CELSR1: variants seen among roughly 807,000 people sequenced by gnomAD.
CELSR1 encodes adhesion G protein-coupled receptor C1.
A neutral mutation model predicts 249.1 loss-of-function variants in CELSR1; 110 were observed. That is an observed-to-expected ratio of 0.44 (90% CI 0.38 to 0.52). The LOEUF (loss-of-function observed/expected upper bound fraction) is 0.52, where lower values mean the gene tolerates loss of function less well. CELSR1 is among the 20% of genes least tolerant of loss of function. The pLI, the probability that CELSR1 is intolerant of heterozygous loss-of-function variation, is 0.00. For missense variants in CELSR1, 4,109 were observed against 4,296.4 expected, an observed-to-expected ratio of 0.96 and a Z score of 1.22; for synonymous variants, 2,113 against 1,900.0, an observed-to-expected ratio of 1.11 and a Z score of -2.92.
chr22:46,405,611 T>C (rs1163831022), intron 9 of CELSR1, among the ~76,000 whole-genome samples: 1 of 152,064 alleles, frequency 6.6e-6, no homozygotes, highest in African/African-American at 2.4e-5. Flanking sequence ...GGGAGGTAAC[T>C]GAGAGTGTGT....
rs73453027 is a variant in CELSR1, at chr22:46,526,818, G to A, written c.3544+6809C>T. ...ACTTCTGTGTCCATAACCTGAGCTGGTCTCCCCAGTCTGGACCTGCACACA... is the reference window on the plus strand; with the variant it reads ...ACTTCTGTGTCCATAACCTGAGCTGATCTCCCCAGTCTGGACCTGCACACA... On this transcript the variant is annotated intron_variant, in intron 1 of 34. Transcript: ENST00000674500. The surrounding 1 kb of genome is among the most constrained non-coding windows in gnomAD (Gnocchi z 4.7). 0.019 allele frequency among the ~76,000 whole-genome samples: 2,875 copies of A among 152,182 alleles called. 95 individuals carry two copies. Among genetic ancestry groups the A allele is most frequent in the African/African-American group, 0.066 (2,729 of 41,504 alleles).
At chr22:46,499,423 T>C (rs1306384299) in intron 1 of CELSR1, among the ~76,000 whole-genome samples, 1 of 152,122 alleles carries the variant, frequency 6.6e-6, no homozygotes, top group East Asian at 1.9e-4. Flanking sequence ...TCTTAGACAA[T>C]GATAACATCA....
chr22:46,389,895 C>T (rs1301865097), intron 17 of CELSR1, among the ~76,000 whole-genome samples: 4 of 152,096 alleles, frequency 2.6e-5, no homozygotes, highest in African/African-American at 9.7e-5. Flanking sequence ...GAGGTTGCAG[C>T]AAGCTGAGAC....
At chr22:46,478,793 C>A (rs1406040115) in intron 1 of CELSR1, among the ~76,000 whole-genome samples, 8 of 151,422 alleles carry the variant, frequency 5.3e-5, no homozygotes, top group African/African-American at 1.9e-4. Flanking sequence ...ACCTTGTGAT[C>A]TGTCCGCCTC....
At position 46,365,358 on chromosome 22, in the gene CELSR1, G is replaced by T. The variant is rs761354421; in HGVS notation, c.8427C>A (p.Ser2809Arg). 7 of 1,612,724 alleles carry T rather than the reference G, an allele frequency of 4.3e-6. No individual in the cohort carries two copies. The highest frequency in any genetic ancestry group is 5.9e-6 in the Non-Finnish European group (7 of 1,179,942). ...TGCTCTGCTCATCCAGGGACAGCTC[G>T]CTATCTGAGTCGGAATCGTGGCCTG... ...DPPGHDSDSD[S>R]ELSLDEQSSS... The change falls in exon 32 of 35, where the codon AGC becomes AGA. Residue 2809 changes from serine (S) to arginine (R), a missense_variant. Physicochemically the swap from Ser to Arg is moderately radical, Grantham distance 110. Transcript: ENST00000674500.
Position 46,454,378 on chromosome 22 carries a change from T to C in CELSR1, c.4183+9329A>G, listed in dbSNP as rs1188522277. ...AGGGGTGAGCGAGCGTGCCCAGCCCTGCTGTCACGGAGCCCACACTCTCTC... is the reference window on the plus strand; with the variant it reads ...AGGGGTGAGCGAGCGTGCCCAGCCCCGCTGTCACGGAGCCCACACTCTCTC... On this transcript the variant is annotated intron_variant, in intron 2 of 34. Coordinates refer to ENST00000674500, the MANE Select transcript of CELSR1 (RefSeq NM_001378328.1). The surrounding 1 kb of genome is among the most constrained non-coding windows in gnomAD (Gnocchi z 5.1). Among the ~76,000 whole-genome samples, 1 of 152,132 alleles carries C rather than the reference T, an allele frequency of 6.6e-6. No individual in the cohort carries two copies. The highest frequency in any genetic ancestry group is 1.5e-5 in the Non-Finnish European group (1 of 68,014).
chr22:46,366,286 G>A, intron 30 of CELSR1, 100 bp downstream of exon 30: 1 of 857,476 alleles, frequency 1.2e-6, no homozygotes, highest in South Asian at 1.7e-5. Context: ...GGGGGTGGAA[G>A]GTGATGTTGG....
At chr22:46,516,950 G>T (rs1458678168) in intron 1 of CELSR1, among the ~76,000 whole-genome samples, 1 of 152,192 alleles carries the variant, frequency 6.6e-6, no homozygotes, top group Non-Finnish European at 1.5e-5. Flanking sequence ...CAGTGTCACG[G>T]CTGGCAAAGC....
In CELSR1 at chr22:46,362,939, C is replaced by T. The variant is rs897369903; in HGVS notation, c.*284G>A. On this transcript the variant is annotated 3_prime_UTR_variant, in exon 35 of 35. Coordinates refer to ENST00000674500, the MANE Select transcript of CELSR1 (RefSeq NM_001378328.1). ...CTTTGACTGCAGTCTTAGGACTCAG[C>T]GGTGCTGGCCCAGTGGTCCACGCCT... 4.0e-5 allele frequency: 23 copies of T among 574,308 alleles called. No individual in the cohort carries two copies. Among genetic ancestry groups the T allele is most frequent in the African/African-American group, 1.9e-4 (10 of 53,110 alleles). The allele number at this position is 574,308 out of a possible 1,614,324, so 35.6% of individuals were successfully genotyped here. A position where few individuals can be genotyped will look rare whatever the true frequency, so the allele number is the denominator to read the frequency against.
rs1475161832 is a variant in CELSR1, at chr22:46,471,107, AGAGT to A, written c.3545-6766_3545-6763del. 1.3e-5 allele frequency among the ~76,000 whole-genome samples: 2 copies of A among 152,158 alleles called. No individual in the cohort carries two copies. The highest frequency in any genetic ancestry group is 1.9e-4 in the East Asian group (1 of 5,192). On this transcript the variant is annotated intron_variant, in intron 1 of 34. Transcript: ENST00000674500. This position sits in a 1 kb window ranked among gnomAD's most constrained non-coding sequence, Gnocchi z 4.9. ...ACCACTGCACTCCAGCCTGGGCGACAGAGTGAGACTCCACCTCAAAAAAACAACA... is the reference window on the plus strand; with the variant it reads ...ACCACTGCACTCCAGCCTGGGCGACAGAGACTCCACCTCAAAAAAACAACA...
At position 46,363,138 on chromosome 22, in the gene CELSR1, G is replaced by C. The variant is rs372026410; in HGVS notation, c.*85C>G. Reference sequence around the variant, plus strand: ...AGTGGCCCCTTGGGCTCCAAGGTCTGAGGGTGATGCCGCAGCCTGTGTGGG... The same window carrying C: ...AGTGGCCCCTTGGGCTCCAAGGTCTCAGGGTGATGCCGCAGCCTGTGTGGG... On this transcript the variant is annotated 3_prime_UTR_variant, in exon 35 of 35. Coordinates refer to ENST00000674500, the MANE Select transcript of CELSR1 (RefSeq NM_001378328.1). The surrounding 1 kb of genome is among the most constrained non-coding windows in gnomAD (Gnocchi z 4.3). The C allele has an allele frequency of 6.2e-7, 1 of 1,613,716 alleles. No homozygotes were observed.
intron 1 of CELSR1, among the ~76,000 whole-genome samples, chr22:46,522,175 G>A (rs776161503): frequency 3.3e-5 from 5 of 152,162 alleles, no homozygotes; most frequent in Non-Finnish European, 7.3e-5. Flanking sequence ...GTGCAGTCTG[G>A]AGTGCAGTGA....
At chr22:46,530,611 G>A (rs2080781907) in intron 1 of CELSR1, 3 of 152,142 alleles carry the variant, frequency 2.0e-5, no homozygotes, top group Admixed American at 2.0e-4. Flanking sequence ...TTGTATCGCT[G>A]GATGTCATTC....
Position 46,536,596 on chromosome 22 carries a change from C to G in CELSR1, c.575G>C (p.Gly192Ala), listed in dbSNP as rs1602256204. The change falls in exon 1 of 35, where the codon GGC becomes GCC. Residue 192 changes from glycine (G) to alanine (A), a missense_variant. Coordinates refer to ENST00000674500, the MANE Select transcript of CELSR1 (RefSeq NM_001378328.1). ...RLLCALRRAA[G>A]AVRVGLALEA... Reference sequence around the variant, plus strand: ...CAGCGCCAGTCCCACCCGGACGGCGCCAGCCGCGCGCCGCAGGGCGCACAG... The same window carrying G: ...CAGCGCCAGTCCCACCCGGACGGCGGCAGCCGCGCGCCGCAGGGCGCACAG... The G allele has an allele frequency of 8.4e-7, 1 of 1,188,954 alleles. No individual in the cohort carries two copies. Among genetic ancestry groups the G allele is most frequent in the Admixed American group, 4.6e-5 (1 of 21,702 alleles). 73.7% of individuals were successfully genotyped at this position (1,188,954 alleles called of 1,614,324 possible).
Position 46,534,582 on chromosome 22 carries a change from C to T in CELSR1, c.2589G>A (p.Met863Ile). 6.2e-7 allele frequency: 1 copy of T among 1,613,838 alleles called. No homozygotes were observed. Among genetic ancestry groups the T allele is most frequent in the Non-Finnish European group, 8.5e-7 (1 of 1,180,042 alleles). Residue 863 changes from methionine (M) to isoleucine (I), a missense_variant, in exon 1 of 35, where the codon ATG becomes ATA. Met to Ile is a conservative substitution (Grantham distance 10, BLOSUM62 1). Around this residue, in one of 7 missense-constraint regions of CELSR1, gnomAD observed 886 missense variants for 896.5 expected, o/e 0.99. Transcript: ENST00000674500. The surrounding 1 kb of genome is among the most constrained non-coding windows in gnomAD (Gnocchi z 9.7). ...ENQVAYTLTIMAQDNGIPQKS... is the reference protein window; with the variant it reads ...ENQVAYTLTIIAQDNGIPQKS... ...TCTGCGGGATGCCGTTGTCCTGGGC[C>T]ATGATGGTCAGCGTGTAGGCGACCT...
chr22:46,426,130 G>GGGGAGGGCGCAGCCA (rs1359921231), intron 5 of CELSR1, among the ~76,000 whole-genome samples: 1 of 142,460 alleles, frequency 7.0e-6, no homozygotes, highest in African/African-American at 3.0e-5. Context: ...CAGCAAGGCT[G>GGGGAGGGCGCAGCCA]GGGAGGGCGC....
At position 46,472,580 on chromosome 22, in the gene CELSR1, G is replaced by A. The variant is rs183029523; in HGVS notation, c.3545-8235C>T. Among the ~76,000 whole-genome samples the A allele has an allele frequency of 3.3e-5, 5 of 152,308 alleles. No individual in the cohort carries two copies. The highest frequency in any genetic ancestry group is 9.6e-5 in the African/African-American group (4 of 41,574). ...GGGACAGGCCTCCTGAGAGCACAACGCATGAAAAGCAGCAAAACCAGCAAG... is the reference window on the plus strand; with the variant it reads ...GGGACAGGCCTCCTGAGAGCACAACACATGAAAAGCAGCAAAACCAGCAAG... On this transcript the variant is annotated intron_variant, in intron 1 of 34. Coordinates refer to ENST00000674500, the MANE Select transcript of CELSR1 (RefSeq NM_001378328.1). The surrounding 1 kb of genome is among the most constrained non-coding windows in gnomAD (Gnocchi z 7.0).
chr22:46,372,635 C>A lies in CELSR1; in HGVS notation c.7759+248G>T, dbSNP rs564072117. 8.2e-3 allele frequency among the ~76,000 whole-genome samples: 1,241 copies of A among 152,070 alleles called. 8 individuals carry two copies. The highest frequency in any genetic ancestry group is 0.02 in the Middle Eastern group (6 of 294). ...TGGAACTTTTGTCTGTTAAGTGCTG[C>A]AGAAATAACCCTGAACAGACCTGGA... On this transcript the variant is annotated intron_variant, in intron 25 of 34. Transcript: ENST00000674500.
In CELSR1 at chr22:46,364,069, C is replaced by G. The variant is rs752582449; in HGVS notation, c.8962G>C (p.Gly2988Arg). ...ITVKSPGREP[G>R]RDHLNGVAMN... ...GCCACCCCGTTGAGGTGGTCACGCC[C>G]CGGCTCCCTCCCAGGGCTCTTGACT... The change falls in exon 34 of 35, where the codon GGG becomes CGG. Residue 2988 changes from glycine to arginine, a missense_variant. By Grantham distance (125) the Gly-to-Arg change is moderately radical (BLOSUM62 -2). Transcript: ENST00000674500. The G allele has an allele frequency of 1.2e-6, 2 of 1,612,354 alleles. No homozygotes were observed. The highest frequency in any genetic ancestry group is 2.2e-5 in the East Asian group (1 of 44,860).
Sources: allele counts gnomAD v4.1 joint callset (sites outside exome capture counted in the v4.1 genomes callset), GRCh38; gene constraint gnomAD v4.1.1; regional missense constraint gnomAD v4.1.1; non-coding constraint Gnocchi (gnomAD v3.1); transcripts MANE v1.5; gene names NCBI Gene and HGNC (gene_info 2026-07-23, HGNC 2026-07-21).